The following DIAPH3 variants were observed in gnomAD, a reference collection of about 807,000 sequenced individuals.
The protein encoded by DIAPH3 is diaphanous related formin 3.
DIAPH3 carries 117 observed loss-of-function variants against 144.3 expected under a neutral mutation model. That is an observed-to-expected ratio of 0.81 (90% CI 0.70 to 0.95). The LOEUF is 0.95. Ranked by LOEUF, DIAPH3 falls within the 40% of genes least tolerant of loss-of-function variation. The pLI is 0.00. For synonymous variants in DIAPH3, 519 were observed against 488.9 expected, an observed-to-expected ratio of 1.06 and a Z score of -0.81; for missense variants, 1,421 against 1,412.7, an observed-to-expected ratio of 1.01 and a Z score of -0.09.
chr13:59,785,935 T>C (rs1385127903), intron 25 of DIAPH3, among the ~76,000 whole-genome samples: 4 of 152,180 alleles, frequency 2.6e-5, no homozygotes. Context: ...CTTCTTCCTA[T>C]CTTGAATAGG....
intron 17 of DIAPH3, among the ~76,000 whole-genome samples, chr13:59,931,547 G>A (rs2048018183): frequency 6.6e-6 from 1 of 152,094 alleles, no homozygotes; most frequent in Non-Finnish European, 1.5e-5. Flanking sequence ...TAGAAGATAA[G>A]ATCCTTAGAG....
Position 59,952,583 on chromosome 13 carries a change from A to C in DIAPH3, c.2074+17361T>G, listed in dbSNP as rs544255734. On this transcript the variant is annotated intron_variant, in intron 17 of 27. Transcript: ENST00000400324. ...TGCTGCTAAAACAGAAGGAAAAAAA[A>C]GGTGAATCATTTTAGCATCTAGGTC... is the stretch of plus-strand genomic sequence containing the variant. 2.6e-4 allele frequency among the ~76,000 whole-genome samples: 39 copies of C among 152,248 alleles called. 1 individual carries two copies. The highest frequency in any genetic ancestry group is 3.4e-3 in the Middle Eastern group (1 of 294).
rs762642039 is a variant in DIAPH3, at chr13:59,831,716, C to T, written c.3027+1391G>A. 4.2e-4 allele frequency among the ~76,000 whole-genome samples: 63 copies of T among 151,764 alleles called. 1 individual carries two copies. Among genetic ancestry groups the T allele is most frequent in the Non-Finnish European group, 8.0e-4 (54 of 67,858 alleles). On this transcript the variant is annotated intron_variant, in intron 24 of 27. Transcript: ENST00000400324. ...GGCCCAAGGCCCCAGGTATATAAAACGCCCTTATCAGGCAGGATATTTCTA... is the reference window on the plus strand; with the variant it reads ...GGCCCAAGGCCCCAGGTATATAAAATGCCCTTATCAGGCAGGATATTTCTA...
chr13:60,118,620 A>G (rs1295176618), intron 2 of DIAPH3, among the ~76,000 whole-genome samples: 2 of 152,230 alleles, frequency 1.3e-5, no homozygotes, highest in African/African-American at 4.8e-5. Context: ...AAAACCTAAC[A>G]GCTAACATAG....
intron 1 of DIAPH3, among the ~76,000 whole-genome samples, chr13:60,149,408 C>G (rs1369548593): frequency 6.6e-6 from 1 of 152,050 alleles, no homozygotes; most frequent in African/African-American, 2.4e-5. Flanking sequence ...GGTATGTTCC[C>G]ATGTGGGAAA....
intron 25 of DIAPH3, among the ~76,000 whole-genome samples, chr13:59,780,607 TA>T (rs1330770390): frequency 2.6e-5 from 4 of 152,176 alleles, no homozygotes; most frequent in African/African-American, 9.7e-5. Flanking sequence ...AATGGTATTT[TA>T]AAAAATTGCA....
chr13:59,753,673 C>T (rs1018777894), intron 27 of DIAPH3, among the ~76,000 whole-genome samples: 1 of 152,066 alleles, frequency 6.6e-6, no homozygotes, highest in Non-Finnish European at 1.5e-5. Flanking sequence ...AATAGTTGTG[C>T]CTTCCATCCA....
At chr13:59,901,786 A>G (rs1029287700) in intron 20 of DIAPH3, among the ~76,000 whole-genome samples, 39 of 152,216 alleles carry the variant, frequency 2.6e-4, no homozygotes, top group African/African-American at 9.4e-4. Context: ...TCAAAGTCTA[A>G]GTTTCTCCAA....
intron 24 of DIAPH3, among the ~76,000 whole-genome samples, chr13:59,812,694 G>T (rs1189229309): frequency 6.6e-6 from 1 of 152,066 alleles, no homozygotes. Flanking sequence ...GGTTGCTGTT[G>T]GGTTTAGGAG....
intron 20 of DIAPH3, among the ~76,000 whole-genome samples, chr13:59,879,779 G>T (rs1172884096): frequency 6.6e-6 from 1 of 151,950 alleles, no homozygotes; most frequent in Non-Finnish European, 1.5e-5. Flanking sequence ...AAGATACATA[G>T]GCCACAAATT....
chr13:59,748,253 G>A (rs1025383847), intron 27 of DIAPH3, among the ~76,000 whole-genome samples: 1 of 152,174 alleles, frequency 6.6e-6, no homozygotes, highest in Admixed American at 6.5e-5. Context: ...GGTCATTAGG[G>A]AAAAGAACTT....
intron 1 of DIAPH3, among the ~76,000 whole-genome samples, chr13:60,141,169 G>A (rs183961502): frequency 4.2e-4 from 64 of 152,106 alleles, no homozygotes; most frequent in Non-Finnish European, 6.6e-4. Flanking sequence ...TTTCTTTATT[G>A]TAAATGTAAA....
chr13:60,097,845 G>A (rs763694989), intron 3 of DIAPH3, among the ~76,000 whole-genome samples: 4 of 152,054 alleles, frequency 2.6e-5, no homozygotes, highest in Non-Finnish European at 4.4e-5. Flanking sequence ...ATGAAAGCAT[G>A]AGGGGTATGG....
chr13:59,733,957 T>C (rs1417329), intron 27 of DIAPH3, among the ~76,000 whole-genome samples: 99,852 of 152,138 alleles, frequency 0.66, 33,224 homozygotes, highest in East Asian at 0.72. Context: ...TCATCACATA[T>C]ACACACCCTA....
In DIAPH3 at chr13:60,048,032, G is replaced by A. The variant is rs146904896; in HGVS notation, c.496-5212C>T. ...TGTTGGGTCCCTAACCCACCCAGTC[G>A]CACGGGGACAATGCAGGGCCCATGG... On this transcript the variant is annotated intron_variant, in intron 4 of 27. Coordinates refer to ENST00000400324, the MANE Select transcript of DIAPH3 (RefSeq NM_001042517.2). Among the ~76,000 whole-genome samples the A allele has an allele frequency of 8.3e-3, 1,265 of 152,320 alleles. 21 individuals are homozygous for A. Among genetic ancestry groups the A allele is most frequent in the African/African-American group, 0.028 (1,184 of 41,572 alleles).
chr13:59,805,492 T>C (rs2040143888), intron 25 of DIAPH3, among the ~76,000 whole-genome samples: 2 of 151,990 alleles, frequency 1.3e-5, no homozygotes, highest in African/African-American at 2.4e-5. Context: ...TCATGTCAGA[T>C]GAATAGGTAC....
intron 27 of DIAPH3, among the ~76,000 whole-genome samples, chr13:59,723,276 T>C (rs1208071179): frequency 6.6e-6 from 1 of 152,172 alleles, no homozygotes; most frequent in Non-Finnish European, 1.5e-5. Context: ...ACTAAGCTTC[T>C]TAGAGTCAGT....
At chr13:59,908,671 G>GA (rs760611167) in intron 20 of DIAPH3, among the ~76,000 whole-genome samples, 13 of 151,976 alleles carry the variant, frequency 8.6e-5, no homozygotes, top group Non-Finnish European at 1.6e-4. Context: ...CAACCTTTCA[G>GA]AAAAAATTGT....
At chr13:60,120,766 G>A (rs1241544153) in intron 2 of DIAPH3, among the ~76,000 whole-genome samples, 2 of 152,132 alleles carry the variant, frequency 1.3e-5, no homozygotes, top group East Asian at 1.9e-4. Flanking sequence ...AGTCATGAGT[G>A]AGCCACTTTG....
Sources: gnomAD v4.1 joint callset for allele counts (sites outside exome capture counted in the v4.1 genomes callset) on GRCh38, gnomAD v4.1.1 for gene constraint, MANE v1.5 for transcripts, NCBI Gene and HGNC (gene_info 2026-07-23, HGNC 2026-07-21) for gene names.